SSH2: variants seen among roughly 807,000 people sequenced by gnomAD.
SSH2 encodes slingshot protein phosphatase 2, also known as protein phosphatase Slingshot homolog 2.
In SSH2, 37 loss-of-function variants were observed where a neutral mutation model predicts 135.2. The ratio of observed to expected loss-of-function variants is 0.27; its 90% CI spans 0.21 to 0.36. The LOEUF (loss-of-function observed/expected upper bound fraction) is 0.36, where lower values mean the gene tolerates loss of function less well. Ranked by LOEUF, SSH2 falls within the 10% of genes least tolerant of loss-of-function variation. SSH2 has a pLI of 1.00. For missense variants in SSH2, 1,408 were observed against 1,765.3 expected, an observed-to-expected ratio of 0.80 and a Z score of 3.63; for synonymous variants, 628 against 646.2, an observed-to-expected ratio of 0.97 and a Z score of 0.43.
chr17:29,731,565 C>T (rs1287737946), intron 3 of SSH2, among the ~76,000 whole-genome samples: 2 of 152,034 alleles, frequency 1.3e-5, no homozygotes, highest in East Asian at 1.9e-4. Flanking sequence ...AAGCGATTCT[C>T]GTGCCTCAGC....
At chr17:29,883,597 A>T (rs1567629437) in intron 1 of SSH2, among the ~76,000 whole-genome samples, 1 of 152,196 alleles carries the variant, frequency 6.6e-6, no homozygotes, top group Non-Finnish European at 1.5e-5. Flanking sequence ...TGGAGTAAAG[A>T]ATGGTAATGT....
intron 3 of SSH2, among the ~76,000 whole-genome samples, chr17:29,793,405 C>G (rs1198965181): frequency 6.6e-6 from 1 of 152,102 alleles, no homozygotes; most frequent in Non-Finnish European, 1.5e-5. Context: ...CAAAATTTAT[C>G]AAATATGAAT....
chr17:29,891,143 A>C (rs1324109054), intron 1 of SSH2, among the ~76,000 whole-genome samples: 2 of 152,214 alleles, frequency 1.3e-5, no homozygotes, highest in Admixed American at 1.3e-4. Context: ...CTTTTGCTAC[A>C]GTCAGTGTAA....
rs191612166 is a variant in SSH2, at chr17:29,672,997, G to T, written c.615-868C>A. 3.1e-3 allele frequency among the ~76,000 whole-genome samples: 473 copies of T among 151,968 alleles called. 3 individuals are homozygous for T. Among genetic ancestry groups the T allele is most frequent in the African/African-American group, 9.1e-3 (378 of 41,464 alleles). ...GCTGGGATTACAGGCGTGAGCCACC[G>T]TGCCTGGCCTAGCTCTGGTAATTCT... On this transcript the variant is annotated intron_variant, in intron 8 of 15. Coordinates refer to ENST00000540801, the MANE Select transcript of SSH2 (RefSeq NM_001282129.2).
At chr17:29,794,196 CA>C (rs2042120292) in intron 2 of SSH2, among the ~76,000 whole-genome samples, 1 of 152,132 alleles carries the variant, frequency 6.6e-6, no homozygotes, top group African/African-American at 2.4e-5. Context: ...TTCATTAAAA[CA>C]ATTACCTCCA....
intron 15 of SSH2, among the ~76,000 whole-genome samples, chr17:29,634,734 G>A (rs1345028627): frequency 6.6e-6 from 1 of 151,814 alleles, no homozygotes; most frequent in Non-Finnish European, 1.5e-5. Flanking sequence ...TGTATTTTTA[G>A]TAGAGATGGG....
chr17:29,697,867 T>C lies in SSH2; in HGVS notation c.293-2344A>G, dbSNP rs1262595980. ...CAAACCCAAGAGAAATCAAAACGTA[T>C]GTCCACCCAAAAAGTTGTACACACA... On this transcript the variant is annotated intron_variant, in intron 4 of 15. Transcript: ENST00000540801. Among the ~76,000 whole-genome samples, 3 of 152,146 alleles carry C rather than the reference T, an allele frequency of 2.0e-5. No homozygotes were observed. In the South Asian group the frequency reaches 6.2e-4, roughly 31 times the overall value.
chr17:29,837,313 T>TG (rs1428939741), intron 2 of SSH2, among the ~76,000 whole-genome samples: 2 of 151,242 alleles, frequency 1.3e-5, no homozygotes, highest in Non-Finnish European at 2.9e-5. Context: ...AAACTAGGGT[T>TG]GAGAAAGATT....
intron 6 of SSH2, among the ~76,000 whole-genome samples, chr17:29,678,787 TC>T (rs2151063822): frequency 6.9e-6 from 1 of 143,990 alleles, no homozygotes; most frequent in East Asian, 2.1e-4. Flanking sequence ...TAATCTTGGC[TC>T]ACTGCAACCT....
chr17:29,868,465 C>T (rs780427202), intron 1 of SSH2, among the ~76,000 whole-genome samples: 2 of 152,114 alleles, frequency 1.3e-5, no homozygotes, highest in African/African-American at 2.4e-5. Context: ...CGGCTGGGTG[C>T]GGTGTCTCAT....
chr17:29,719,298 G>A (rs2039737227), intron 3 of SSH2, among the ~76,000 whole-genome samples: 1 of 152,174 alleles, frequency 6.6e-6, no homozygotes, highest in Non-Finnish European at 1.5e-5. Context: ...TGGGAGTTGT[G>A]TGATGGTCAT....
intron 2 of SSH2, among the ~76,000 whole-genome samples, chr17:29,837,363 G>A (rs767274476): frequency 1.3e-5 from 2 of 152,068 alleles, no homozygotes; most frequent in Non-Finnish European, 2.9e-5. Flanking sequence ...AGAAATTCAC[G>A]GAAAGAAAGG....
In SSH2 at chr17:29,631,312, G is replaced by T. The variant is rs952766642; in HGVS notation, c.3882C>A (p.Asp1294Glu). Residue 1294 changes from aspartate to glutamate, a missense_variant, in exon 16 of 16, where the codon GAC (aspartate) becomes GAA (glutamate). Physicochemically the swap from Asp to Glu is conservative, Grantham distance 45. Transcript: ENST00000540801. ...TCTCTGGTAAGCAGTCTTTACAGAGGTCCAAGTAACCTAATTTGGCGAGAG... is the reference window on the plus strand; with the variant it reads ...TCTCTGGTAAGCAGTCTTTACAGAGTTCCAAGTAACCTAATTTGGCGAGAG... ...SASLAKLGYL[D>E]LCKDCLPERE... 4.3e-6 allele frequency: 7 copies of T among 1,614,112 alleles called. No individual in the cohort carries two copies. The East Asian group carries it at 8.9e-5, about 21-fold the overall frequency.
At chr17:29,761,337 C>T in intron 3 of SSH2, 1 of 1,097,602 alleles carries the variant, frequency 9.1e-7, no homozygotes, top group South Asian at 1.9e-5. Context: ...CGGCACGAGG[C>T]GCAGGCTGCG....
At chr17:29,738,693 A>G (rs1297408929) in intron 3 of SSH2, among the ~76,000 whole-genome samples, 1 of 151,662 alleles carries the variant, frequency 6.6e-6, no homozygotes, top group African/African-American at 2.4e-5. Flanking sequence ...AGCTGGGACT[A>G]CAGGTGCCCG....
At chr17:29,742,554 G>A (rs921394458) in intron 3 of SSH2, among the ~76,000 whole-genome samples, 2 of 123,430 alleles carry the variant, frequency 1.6e-5, no homozygotes, top group African/African-American at 3.2e-5. Context: ...GGCTGGTCTT[G>A]AACTCTTGGG....
At chr17:29,714,868 T>C (rs1264662114) in intron 3 of SSH2, among the ~76,000 whole-genome samples, 2 of 152,126 alleles carry the variant, frequency 1.3e-5, no homozygotes, top group Non-Finnish European at 2.9e-5. Context: ...CTTTCTTTTT[T>C]TCTTTTTTTG....
At chr17:29,901,380 T>C (rs1416207282) in intron 1 of SSH2, among the ~76,000 whole-genome samples, 1 of 152,192 alleles carries the variant, frequency 6.6e-6, no homozygotes, top group Admixed American at 6.5e-5. Flanking sequence ...AATTCCTGTT[T>C]CTAAACAAGT....
At chr17:29,911,974 G>A (rs1294729380) in intron 1 of SSH2, among the ~76,000 whole-genome samples, 1 of 152,168 alleles carries the variant, frequency 6.6e-6, no homozygotes, top group African/African-American at 2.4e-5. Flanking sequence ...GTCACTCAAT[G>A]ATTAAAATGG....
Sources: allele counts gnomAD v4.1 joint callset (sites outside exome capture counted in the v4.1 genomes callset), GRCh38; gene constraint gnomAD v4.1.1; transcripts MANE v1.5; gene names NCBI Gene and HGNC (gene_info 2026-07-23, HGNC 2026-07-21).